Variants in SLC17A6 observed in about 807,000 individuals in gnomAD.
SLC17A6 encodes the protein solute carrier family 17 member 6.
SLC17A6 carries 35 observed loss-of-function variants against 67.1 expected under a neutral mutation model. The observed-to-expected ratio is 0.52, with a 90% CI of 0.40 to 0.69. The LOEUF (loss-of-function observed/expected upper bound fraction) is 0.69, where lower values mean the gene tolerates loss of function less well. Among genes scored for constraint, SLC17A6 ranks in the 30% least tolerant of loss-of-function variants. SLC17A6 has a pLI of 0.00. For missense variants in SLC17A6, 588 were observed against 723.9 expected (o/e 0.81, Z 2.15); for synonymous variants, 285 against 252.3 (o/e 1.13, Z -1.23).
In SLC17A6 at chr11:22,358,096, A is replaced by G. The variant is rs116877932; in HGVS notation, c.459-1317A>G. On this transcript the variant is annotated intron_variant, in intron 3 of 11. Coordinates refer to ENST00000263160, the MANE Select transcript of SLC17A6 (RefSeq NM_020346.3). ...CTTTTCAGAAATCCAGGTCTTTAAC[A>G]GTAACATTTAAAAGTGCCCACAAGA... is the stretch of plus-strand genomic sequence containing the variant. Among the ~76,000 whole-genome samples, 76 of 152,332 alleles carry G rather than the reference A, an allele frequency of 5.0e-4. No homozygotes were observed. The East Asian group carries it at 0.014, about 28-fold the overall frequency.
chr11:22,356,622 G>C (rs150294726), intron 3 of SLC17A6, among the ~76,000 whole-genome samples: 1,945 of 152,232 alleles, frequency 0.013, 16 homozygotes, highest in Non-Finnish European at 0.016. Context: ...ATCACTTGAG[G>C]TCAGGAGTTC....
intron 3 of SLC17A6, among the ~76,000 whole-genome samples, chr11:22,356,732 A>T (rs920645994): frequency 9.2e-5 from 14 of 152,210 alleles, no homozygotes; most frequent in Non-Finnish European, 1.5e-5. Context: ...GCTACTCAGG[A>T]GGCTGAGGCA....
At chr11:22,357,286 T>C (rs986229159) in intron 3 of SLC17A6, among the ~76,000 whole-genome samples, 2 of 152,216 alleles carry the variant, frequency 1.3e-5, no homozygotes, top group African/African-American at 4.8e-5. Flanking sequence ...TTATGGCATG[T>C]GAAGCGTTAA....
At chr11:22,367,222 G>C (rs1213784579) in intron 7 of SLC17A6, among the ~76,000 whole-genome samples, 1 of 151,378 alleles carries the variant, frequency 6.6e-6, no homozygotes, top group East Asian at 1.9e-4. Context: ...TTTGATTCTA[G>C]CTCAGATTCT....
rs1263643945 is a variant in SLC17A6 at position 22,352,161 on chromosome 11, G to T, written c.459-7252G>T. Among the ~76,000 whole-genome samples the T allele has an allele frequency of 2.0e-5, 3 of 147,982 alleles. No homozygotes were observed. In the East Asian group the frequency reaches 5.9e-4, roughly 29 times the overall value. ...GGTTTCAGAGGCTGATGAGGATCTA[G>T]TGATGAACAGGCAGTAACAGGCAAT... is the stretch of plus-strand genomic sequence containing the variant. On this transcript the variant is annotated intron_variant, in intron 3 of 11. Transcript: ENST00000263160.
intron 6 of SLC17A6, among the ~76,000 whole-genome samples, chr11:22,363,514 G>T (rs1305029611): frequency 1.3e-5 from 2 of 152,140 alleles, no homozygotes; most frequent in Non-Finnish European, 2.9e-5. Flanking sequence ...AACTGATATT[G>T]TCACTGATTA....
intron 2 of SLC17A6, chr11:22,342,830 T>C: frequency 2.7e-6 from 1 of 374,060 alleles, no homozygotes; most frequent in South Asian, 2.0e-5. Flanking sequence ...GATTTAAGTC[T>C]CCAGGGTTGG....
rs565331849 is a variant in SLC17A6, at chr11:22,379,336, T to A, written c.*1596T>A. 3 of 152,390 alleles carry A rather than the reference T, an allele frequency of 2.0e-5. No individual in the cohort carries two copies. Among genetic ancestry groups the A allele is most frequent in the Admixed American group, 1.3e-4 (2 of 15,228 alleles). 9.4% of individuals were successfully genotyped at this position (152,390 alleles called of 1,614,324 possible). A position where few individuals can be genotyped will look rare whatever the true frequency, so the allele number is the denominator to read the frequency against. On this transcript the variant is annotated 3_prime_UTR_variant, in exon 12 of 12. Transcript: ENST00000263160. ...AAAACATAAAGTTTGTTTAAAAAAA[T>A]GCAAATCATTCTTTACCTTAAGAAA...
chr11:22,374,613 A>T (rs1026976820), intron 8 of SLC17A6, 142 bp from the exon 9 acceptor site: 3 of 646,910 alleles, frequency 4.6e-6, no homozygotes, highest in Non-Finnish European at 7.4e-6. Flanking sequence ...TTTTCTAGGA[A>T]TGAGTAAGTG....
chr11:22,339,153 T>TTTTATATA (rs1855779841), intron 1 of SLC17A6, among the ~76,000 whole-genome samples: 1 of 26,390 alleles, frequency 3.8e-5, no homozygotes, highest in African/African-American at 1.6e-4. Flanking sequence ...TTATATATAG[T>TTTTATATA]TATATATATA....
chr11:22,351,814 A>G (rs1358683427), intron 3 of SLC17A6, among the ~76,000 whole-genome samples: 6 of 152,210 alleles, frequency 3.9e-5, no homozygotes, highest in Admixed American at 2.6e-4. Context: ...AATGATGAAC[A>G]TCATTTTCAG....
Position 22,369,727 on chromosome 11 carries a change from GA to G in SLC17A6, c.892-303del, listed in dbSNP as rs111965787. Among the ~76,000 whole-genome samples the G allele has an allele frequency of 6.5e-3, 974 of 149,012 alleles. 8 individuals carry two copies. Among genetic ancestry groups the G allele is most frequent in the African/African-American group, 0.022 (914 of 40,684 alleles). On this transcript the variant is annotated intron_variant, in intron 7 of 11. Transcript: ENST00000263160. ...CACCATTAAAAAAATAAAACAAATG[GA>G]AAAAAAAACCTTAAGAAACTAGGAC...
chr11:22,377,525 A>T lies in SLC17A6; in HGVS notation c.1534A>T (p.Ser512Cys). The T allele has an allele frequency of 1.2e-6, 2 of 1,614,176 alleles. No individual in the cohort carries two copies. Among genetic ancestry groups the T allele is most frequent in the Non-Finnish European group, 1.7e-6 (2 of 1,180,020 alleles). ...ACCCTGGGCAGACCCGGAGGAAACA[A>T]GTGAAGAAAAATGTGGATTTATTCA... The part of the protein sequence containing the change: ...KQPWADPEET[S>C]EEKCGFIHED... The change falls in exon 12 of 12, where the codon AGT becomes TGT. Residue 512 changes from serine to cysteine, a missense_variant. Physicochemically the swap from Ser to Cys is moderately radical, Grantham distance 112. Transcript: ENST00000263160.
At chr11:22,367,034 C>G (rs1044627574) in intron 7 of SLC17A6, among the ~76,000 whole-genome samples, 1 of 145,982 alleles carries the variant, frequency 6.9e-6, no homozygotes, top group African/African-American at 2.5e-5. Flanking sequence ...AAGGAGAACA[C>G]TGTTTAGTAA....
chr11:22,376,466 T>C (rs1856233791), intron 10 of SLC17A6, 79 bp from the exon 11 acceptor site: 5 of 1,502,188 alleles, frequency 3.3e-6, no homozygotes, highest in Non-Finnish European at 3.7e-6. Context: ...TTTTAAGGAG[T>C]TGTGATGTGT....
At chr11:22,359,786 T>TAA (rs5790257) in intron 4 of SLC17A6, among the ~76,000 whole-genome samples, 6 of 150,016 alleles carry the variant, frequency 4.0e-5, no homozygotes, top group Non-Finnish European at 8.9e-5. Context: ...CTATTTGACT[T>TAA]AAAAAAAAAC....
At chr11:22,362,361 A>G (rs564714307) in intron 5 of SLC17A6, 35 of 334,474 alleles carry the variant, frequency 1.0e-4, no homozygotes, top group African/African-American at 7.0e-4. Flanking sequence ...CGAATTTGCT[A>G]CAAGGAGATA....
chr11:22,364,143 G>T (rs1326620782), intron 6 of SLC17A6, among the ~76,000 whole-genome samples: 2 of 151,936 alleles, frequency 1.3e-5, no homozygotes, highest in African/African-American at 4.8e-5. Flanking sequence ...ACAATAATTT[G>T]GTCTGGAGTC....
chr11:22,339,170 A>ATATATGTTTTT (rs61224226), intron 1 of SLC17A6, among the ~76,000 whole-genome samples: 3 of 60,032 alleles, frequency 5.0e-5, no homozygotes, highest in Admixed American at 4.2e-4. Flanking sequence ...TATATGTTAT[A>ATATATGTTTTT]TATATATGTT....
Sources: allele counts gnomAD v4.1 joint callset (sites outside exome capture counted in the v4.1 genomes callset), GRCh38; gene constraint gnomAD v4.1.1; transcripts MANE v1.5; gene names NCBI Gene and HGNC (gene_info 2026-07-23, HGNC 2026-07-21).